CAVIN4: variants seen among roughly 807,000 people sequenced by gnomAD.
The protein encoded by CAVIN4 is caveolae-associated protein 4.
CAVIN4 carries 10 observed loss-of-function variants against 18.6 expected under a neutral mutation model. The observed-to-expected ratio is 0.54, with a 90% confidence interval of 0.33 to 0.91. The LOEUF (loss-of-function observed/expected upper bound fraction) is 0.91, where lower values mean the gene tolerates loss of function less well. CAVIN4 is among the 40% of genes least tolerant of loss of function. The pLI is 0.02. For missense variants in CAVIN4, 459 were observed against 440.5 expected, an observed-to-expected ratio of 1.04 and a Z score of -0.38; for synonymous variants, 173 against 164.8, an observed-to-expected ratio of 1.05 and a Z score of -0.38.
At chr9:100,578,703 C>A in intron 1 of CAVIN4, 152 bp downstream of exon 1, 1 of 796,144 alleles carries the variant, frequency 1.3e-6, no homozygotes, top group South Asian at 1.6e-5. Context: ...CAGGATAAAA[C>A]CATTTCTCTG....
At position 100,587,493 on chromosome 9, in the gene CAVIN4, T is replaced by C. The variant is rs1228444184; in HGVS notation, c.*1042T>C. ...GTCCAGCTGTCCAAAACAGTGTTGA[T>C]AGGAGTTCATCATAGCTGCTTTGGG... On this transcript the variant is annotated 3_prime_UTR_variant, in exon 2 of 2. Coordinates refer to ENST00000307584, the MANE Select transcript of CAVIN4 (RefSeq NM_001018116.2). 1 of 152,244 alleles carries C rather than the reference T, an allele frequency of 6.6e-6. No individual in the cohort carries two copies. The highest frequency in any genetic ancestry group is 1.5e-5 in the Non-Finnish European group (1 of 68,040). The allele number at this position is 152,244 out of a possible 1,614,324, so 9.4% of individuals were successfully genotyped here. A position where few individuals can be genotyped will look rare whatever the true frequency, so the allele number is the denominator to read the frequency against.
intron 1 of CAVIN4, among the ~76,000 whole-genome samples, chr9:100,583,415 G>T (rs960788996): frequency 6.6e-6 from 1 of 152,092 alleles, no homozygotes; most frequent in African/African-American, 2.4e-5. Context: ...GGCAAATCTT[G>T]TTGGCTCCTA....
At chr9:100,580,015 G>A (rs2118602736) in intron 1 of CAVIN4, among the ~76,000 whole-genome samples, 1 of 151,758 alleles carries the variant, frequency 6.6e-6, no homozygotes, top group African/African-American at 2.4e-5. Flanking sequence ...GGCAGACTAT[G>A]CTATTTGAAG....
upstream of CAVIN4, among the ~76,000 whole-genome samples, chr9:100,577,857 G>C (rs1280118619): frequency 6.6e-6 from 1 of 152,066 alleles, no homozygotes; most frequent in Non-Finnish European, 1.5e-5. Context: ...TTACATGGTG[G>C]CTTTAGTGAA....
intron 1 of CAVIN4, among the ~76,000 whole-genome samples, chr9:100,579,530 T>C (rs1034432370): frequency 7.9e-5 from 12 of 152,338 alleles, no homozygotes; most frequent in Non-Finnish European, 1.0e-4. Flanking sequence ...TTGGTAGAAA[T>C]ATTAATTGAT....
In CAVIN4 at chr9:100,586,079, G is replaced by A. The variant is rs554874636; in HGVS notation, c.723G>A (p.Leu241=). The part of the protein sequence containing the change: ...RERLRQSGER[L]RQSGERLRQS... Reference sequence around the variant, plus strand: ...GGCTAAGGCAGTCAGGAGAGAGGCTGAGACAGTCAGGGGAGAGGCTGAGAC... The same window carrying A: ...GGCTAAGGCAGTCAGGAGAGAGGCTAAGACAGTCAGGGGAGAGGCTGAGAC... Residue 241 remains leucine (L), a synonymous_variant, in exon 2 of 2, where the codon CTG becomes CTA. Transcript: ENST00000307584. 6.2e-7 allele frequency: 1 copy of A among 1,612,628 alleles called. No homozygotes were observed. Among genetic ancestry groups the A allele is most frequent in the Non-Finnish European group, 8.5e-7 (1 of 1,179,178 alleles).
upstream of CAVIN4, chr9:100,577,934 C>T: frequency 2.0e-6 from 1 of 506,756 alleles, no homozygotes; most frequent in Non-Finnish European, 3.5e-6. Flanking sequence ...AGTCAGCAAG[C>T]ATGTTTGGAA....
intron 1 of CAVIN4, among the ~76,000 whole-genome samples, chr9:100,581,720 T>A (rs1162610496): frequency 6.6e-6 from 1 of 152,202 alleles, no homozygotes; most frequent in African/African-American, 2.4e-5. Flanking sequence ...CTAAGCTATA[T>A]CTGATTTCTT....
At chr9:100,582,285 A>C (rs1052425035) in intron 1 of CAVIN4, among the ~76,000 whole-genome samples, 3 of 151,970 alleles carry the variant, frequency 2.0e-5, no homozygotes, top group Non-Finnish European at 4.4e-5. Flanking sequence ...CATGTCCCAA[A>C]TCCAATTCTC....
At chr9:100,582,246 G>T (rs1839436963) in intron 1 of CAVIN4, among the ~76,000 whole-genome samples, 1 of 151,994 alleles carries the variant, frequency 6.6e-6, no homozygotes, top group Admixed American at 6.6e-5. Flanking sequence ...GCTGTGGTTG[G>T]GCTGGCTCTC....
rs1839476071 is a variant in CAVIN4, at chr9:100,586,183, A to G, written c.827A>G (p.Lys276Arg). The part of the protein sequence containing the change: ...KEAFKMRSLR[K>R]GKDRTVAEGE... ...GCTTTTAAGATGCGCAGCCTCAGGAAAGGTAAGGACCGAACAGTGGCTGAA... is the reference window on the plus strand; with the variant it reads ...GCTTTTAAGATGCGCAGCCTCAGGAGAGGTAAGGACCGAACAGTGGCTGAA... Residue 276 changes from lysine (K) to arginine (R), a missense_variant, in exon 2 of 2, where the codon AAA becomes AGA. Coordinates refer to ENST00000307584, the MANE Select transcript of CAVIN4 (RefSeq NM_001018116.2). The G allele has an allele frequency of 6.4e-7, 1 of 1,560,566 alleles. No homozygotes were observed. Among genetic ancestry groups the G allele is most frequent in the South Asian group, 1.2e-5 (1 of 80,082 alleles).
At chr9:100,582,799 C>A (rs1266256720) in intron 1 of CAVIN4, among the ~76,000 whole-genome samples, 1 of 152,058 alleles carries the variant, frequency 6.6e-6, no homozygotes, top group East Asian at 1.9e-4. Context: ...TTCAAAAATT[C>A]TTTAAAATAT....
chr9:100,581,942 C>T (rs1473157550), intron 1 of CAVIN4, among the ~76,000 whole-genome samples: 1 of 152,108 alleles, frequency 6.6e-6, no homozygotes, highest in Non-Finnish European at 1.5e-5. Flanking sequence ...TTTTTTAGCT[C>T]CTAGACTCTC....
chr9:100,581,076 A>G lies in CAVIN4; in HGVS notation c.408+2525A>G, dbSNP rs376042814. On this transcript the variant is annotated intron_variant, in intron 1 of 1. Transcript: ENST00000307584. ...ATACATTTATTATTTCTTTTCGAAC[A>G]TACTATATCTTCACTAATAAGCCTC... is the stretch of plus-strand genomic sequence containing the variant. 4 of 152,350 alleles carry G rather than the reference A, an allele frequency of 2.6e-5. No individual in the cohort carries two copies. In the East Asian group the frequency reaches 7.7e-4, roughly 29 times the overall value. 9.4% of individuals were successfully genotyped at this position (152,350 alleles called of 1,614,324 possible). A position where few individuals can be genotyped will look rare whatever the true frequency, so the allele number is the denominator to read the frequency against.
chr9:100,576,875 T>C (rs1360540109), upstream of CAVIN4: 1 of 275,976 alleles, frequency 3.6e-6, no homozygotes, highest in Non-Finnish European at 6.8e-6. Flanking sequence ...TTTGCAAAGA[T>C]GGACTACTTC....
At chr9:100,585,075 A>C (rs1839463025) in intron 1 of CAVIN4, among the ~76,000 whole-genome samples, 1 of 152,232 alleles carries the variant, frequency 6.6e-6, no homozygotes, top group African/African-American at 2.4e-5. Context: ...ATGTGATCAA[A>C]GCTATGCTTT....
In CAVIN4 at chr9:100,585,952, A is replaced by G. The variant is rs1373914124; in HGVS notation, c.596A>G (p.Lys199Arg). 2 of 1,614,212 alleles carry G rather than the reference A, an allele frequency of 1.2e-6. No homozygotes were observed. The highest frequency in any genetic ancestry group is 2.2e-5 in the South Asian group (2 of 91,076). The stretch of plus-strand genomic sequence containing the variant: ...GGCAAGGAGCACATTGATAATATCA[A>G]GAAGGCATTTTCCAAAGAAAACATG... ...KSGKEHIDNI[K>R]KAFSKENMQK... Residue 199 changes from lysine to arginine, a missense_variant, in exon 2 of 2, where the codon AAG becomes AGG. Coordinates refer to ENST00000307584, the MANE Select transcript of CAVIN4 (RefSeq NM_001018116.2).
chr9:100,578,228 G>A lies in CAVIN4; in HGVS notation c.85G>A (p.Ala29Thr), dbSNP rs369545613. The stretch of plus-strand genomic sequence containing the variant: ...TGTTACAGAAGATGAAGACCAAGAC[G>A]CTGCTCTTACCATTGTGACTGTGCT... ...SSVTEDEDQD[A>T]ALTIVTVLDK... Residue 29 changes from alanine to threonine, a missense_variant, in exon 1 of 2, where the codon GCT becomes ACT. By Grantham distance (58) the Ala-to-Thr change is moderately conservative (BLOSUM62 0). Transcript: ENST00000307584. The A allele has an allele frequency of 1.5e-5, 24 of 1,613,760 alleles. No individual in the cohort carries two copies. The East Asian group carries it at 3.8e-4, about 25-fold the overall frequency.
chr9:100,584,109 G>C (rs1276995252), intron 1 of CAVIN4, among the ~76,000 whole-genome samples: 1 of 152,040 alleles, frequency 6.6e-6, no homozygotes, highest in Non-Finnish European at 1.5e-5. Flanking sequence ...CTGTTTCTCT[G>C]TTCTTCCCAG....
Sources: gnomAD v4.1 joint callset for allele counts (sites outside exome capture counted in the v4.1 genomes callset) on GRCh38, gnomAD v4.1.1 for gene constraint, MANE v1.5 for transcripts, NCBI Gene and HGNC (gene_info 2026-07-23, HGNC 2026-07-21) for gene names.